Variants in ZNF708 observed in about 807,000 individuals in gnomAD.
The protein encoded by ZNF708 is ZNF15, ZNF15L1.
A neutral mutation model predicts 47.0 loss-of-function variants in ZNF708; 44 were observed. That is an observed-to-expected ratio of 0.94 (90% CI 0.74 to 1.20). The LOEUF (loss-of-function observed/expected upper bound fraction) is 1.20. Ranked by LOEUF, ZNF708 falls within the 50% of genes most tolerant of loss-of-function variation. The probability of loss-of-function intolerance (pLI) is 0.00; values close to 1 mark genes in which losing one functional copy is unlikely to be tolerated. For missense variants in ZNF708, 557 were observed against 656.0 expected (o/e 0.85, Z 1.65); for synonymous variants, 184 against 218.5 (o/e 0.84, Z 1.39).
At chr19:21,311,631 G>C (rs1320626323) in intron 1 of ZNF708, among the ~76,000 whole-genome samples, 1 of 151,988 alleles carries the variant, frequency 6.6e-6, no homozygotes, top group Non-Finnish European at 1.5e-5. Flanking sequence ...GCCTTTAAAG[G>C]TGTCAGCACC....
In ZNF708 at chr19:21,317,809, G is replaced by A. The variant is rs375585443; in HGVS notation, c.4-7182C>T. On this transcript the variant is annotated intron_variant, in intron 1 of 3. Coordinates refer to ENST00000356929, the MANE Select transcript of ZNF708 (RefSeq NM_021269.3). ...GGGATGCCACCTATCTATGCTAATTGGTTATAATCAATGACAAAATAAACT... is the reference window on the plus strand; with the variant it reads ...GGGATGCCACCTATCTATGCTAATTAGTTATAATCAATGACAAAATAAACT... Among the ~76,000 whole-genome samples the A allele has an allele frequency of 7.9e-5, 12 of 152,294 alleles. No individual in the cohort carries two copies. The South Asian group carries it at 2.5e-3, about 32-fold the overall frequency.
chr19:21,309,156 C>A, intron 3 of ZNF708, 90 bp downstream of exon 3: 1 of 1,268,008 alleles, frequency 7.9e-7, no homozygotes. Flanking sequence ...CTTTGGAACA[C>A]AGATTTCCAA....
chr19:21,292,977 T>C lies in ZNF708; in HGVS notation c.*297A>G, dbSNP rs1972426429. On this transcript the variant is annotated 3_prime_UTR_variant, in exon 4 of 4. Coordinates refer to ENST00000356929, the MANE Select transcript of ZNF708 (RefSeq NM_021269.3). ...TAAAGTTCCTCACCAGTATGATTTATTTTATGTTTAGAAAAGTTTGAGGTG... is the reference window on the plus strand; with the variant it reads ...TAAAGTTCCTCACCAGTATGATTTACTTTATGTTTAGAAAAGTTTGAGGTG... 7.3e-6 allele frequency: 2 copies of C among 275,632 alleles called. No individual in the cohort carries two copies. The highest frequency in any genetic ancestry group is 9.6e-5 in the Admixed American group (2 of 20,906). 17.1% of individuals were successfully genotyped at this position (275,632 alleles called of 1,614,324 possible).
chr19:21,307,119 TATAAA>T (rs1321858021), intron 3 of ZNF708, among the ~76,000 whole-genome samples: 2 of 133,668 alleles, frequency 1.5e-5, no homozygotes, highest in South Asian at 4.4e-4. Flanking sequence ...TAAAATAAAA[TATAAA>T]ATAAAAAATA....
At chr19:21,319,450 G>GA (rs1555723286) in intron 1 of ZNF708, among the ~76,000 whole-genome samples, 1 of 148,002 alleles carries the variant, frequency 6.8e-6, no homozygotes, top group African/African-American at 2.5e-5. Context: ...CCTAATATGA[G>GA]TTTTTTTTTT....
intron 3 of ZNF708, among the ~76,000 whole-genome samples, chr19:21,301,458 CA>C (rs1289151641): frequency 1.3e-5 from 2 of 151,054 alleles, no homozygotes; most frequent in Non-Finnish European, 3.0e-5. Context: ...ACTAAAAATA[CA>C]AAAAAAATTA....
In ZNF708 at chr19:21,294,345, C is replaced by T. The variant is rs1972481173; in HGVS notation, c.621G>A (p.Lys207=). ...KCEECGKAFK[K]SSNLTNHKII... ...TCTTATGATTCGTAAGGTTTGAGGA[C>T]TTTTTAAAAGCTTTGCCACATTCTT... The change falls in exon 4 of 4, where the codon AAG becomes AAA. Residue 207 remains lysine (K), a synonymous_variant. Transcript: ENST00000356929. The T allele has an allele frequency of 6.2e-7, 1 of 1,612,956 alleles. No homozygotes were observed. Among genetic ancestry groups the T allele is most frequent in the Non-Finnish European group, 8.5e-7 (1 of 1,179,642 alleles).
intron 1 of ZNF708, among the ~76,000 whole-genome samples, chr19:21,319,222 T>C (rs148808194): frequency 2.0e-5 from 3 of 152,326 alleles, no homozygotes; most frequent in African/African-American, 7.2e-5. Flanking sequence ...ATGCTAATTG[T>C]TCTTAATAAA....
Position 21,293,317 on chromosome 19 carries a change from T to C in ZNF708, c.1649A>G (p.His550Arg), listed in dbSNP as rs754033986. The C allele has an allele frequency of 1.9e-6, 3 of 1,612,448 alleles. No individual in the cohort carries two copies. Among genetic ancestry groups the C allele is most frequent in the South Asian group, 1.1e-5 (1 of 90,948 alleles). The stretch of plus-strand genomic sequence containing the variant: ...TTTCTCTTTGGTATGAATTCTCTTA[T>C]GTTTAGTAAGGTTTGGGGACTGGTT... ...AFNQSPNLTKHKRIHTKEKPY... is the reference protein window; with the variant it reads ...AFNQSPNLTKRKRIHTKEKPY... Residue 550 changes from histidine (H) to arginine (R), a missense_variant, in exon 4 of 4, where the codon CAT (histidine) becomes CGT (arginine). His to Arg is a conservative substitution (Grantham distance 29). Transcript: ENST00000356929.
At chr19:21,302,153 C>T (rs1295509920) in intron 3 of ZNF708, among the ~76,000 whole-genome samples, 1 of 151,700 alleles carries the variant, frequency 6.6e-6, no homozygotes, top group East Asian at 1.9e-4. Context: ...ATGATGCTGG[C>T]CAGCATCATA....
Position 21,294,022 on chromosome 19 carries a change from T to C in ZNF708, c.944A>G (p.Lys315Arg), listed in dbSNP as rs1180689466. ...EKPYKCGECG[K>R]AFTLSSHLTT... is the part of the protein sequence containing the mutation. ...AAGGTGTGAAGATAGGGTAAAGGCT[T>C]TGCCACATTCTCCACATTTGTAGGG... The change falls in exon 4 of 4, where the codon AAA (lysine) becomes AGA (arginine). Residue 315 changes from lysine (K) to arginine (R), a missense_variant. Transcript: ENST00000356929. 1.2e-6 allele frequency: 2 copies of C among 1,613,108 alleles called. No homozygotes were observed. The highest frequency in any genetic ancestry group is 1.7e-6 in the Non-Finnish European group (2 of 1,179,426).
At chr19:21,309,446 C>T in intron 2 of ZNF708, 105 bp from the exon 3 acceptor site, 8 of 1,102,278 alleles carry the variant, frequency 7.3e-6, no homozygotes, top group Non-Finnish European at 9.9e-6. Flanking sequence ...AGTGGCTCAT[C>T]CTGGTAATCC....
chr19:21,318,713 T>C (rs1486370782), intron 1 of ZNF708: 2 of 152,216 alleles, frequency 1.3e-5, no homozygotes, highest in African/African-American at 4.8e-5. Flanking sequence ...TCACCAGCAC[T>C]TTTTAAATTA....
rs1220849852 is a variant in ZNF708 at position 21,293,938 on chromosome 19, T to C, written c.1028A>G (p.Lys343Arg). ...EKPYKCEECG[K>R]AFSVFSTLTK... ...AAGGGTTGAAAATACACTAAAAGCT[T>C]TGCCACATTCTTCACATTTGTAGGG... The change falls in exon 4 of 4, where the codon AAA (lysine) becomes AGA (arginine). Residue 343 changes from lysine (K) to arginine (R), a missense_variant. Physicochemically the swap from Lys to Arg is conservative, Grantham distance 26 (BLOSUM62 2). Transcript: ENST00000356929. 6.2e-7 allele frequency: 1 copy of C among 1,613,412 alleles called. No individual in the cohort carries two copies. Among genetic ancestry groups the C allele is most frequent in the Admixed American group, 1.7e-5 (1 of 59,982 alleles).
At chr19:21,327,330 G>GACC (rs1973280282) in intron 1 of ZNF708, among the ~76,000 whole-genome samples, 1 of 152,058 alleles carries the variant, frequency 6.6e-6, no homozygotes, top group Non-Finnish European at 1.5e-5. Context: ...TGGAGTTTGA[G>GACC]ACCAGCCTGA....
At chr19:21,313,993 T>G (rs1424939609) in intron 1 of ZNF708, among the ~76,000 whole-genome samples, 1 of 152,182 alleles carries the variant, frequency 6.6e-6, no homozygotes, top group African/African-American at 2.4e-5. Flanking sequence ...AATACATATT[T>G]TACTTTTCCC....
rs376599649 is a variant in ZNF708 at position 21,309,051 on chromosome 19, G to A, written c.226+195C>T. Among the ~76,000 whole-genome samples the A allele has an allele frequency of 1.7e-3, 252 of 152,246 alleles. 7 individuals are homozygous for A. The highest frequency in any genetic ancestry group is 0.016 in the South Asian group (79 of 4,826). On this transcript the variant is annotated intron_variant, in intron 3 of 3. Transcript: ENST00000356929. ...CTCACTGTAAACTTGAAGGAAGATC[G>A]CTGAAGGGAAAGTAGAATTTTTAAA...
rs58726773 is a variant in ZNF708, at chr19:21,321,141, AAAAAGAAAAG to A, written c.3+8059_3+8068del. On this transcript the variant is annotated intron_variant, in intron 1 of 3. Transcript: ENST00000356929. ...GGGAGACAGTGAGACTCATCTTAAA[AAAAAGAAAAG>A]AAAAGAAAAGAAAAGAAAAGTAATG... Among the ~76,000 whole-genome samples the A allele has an allele frequency of 3.6e-3, 550 of 151,466 alleles. 3 individuals carry two copies. The highest frequency in any genetic ancestry group is 7.0e-3 in the East Asian group (36 of 5,142).
intron 1 of ZNF708, among the ~76,000 whole-genome samples, chr19:21,325,975 C>G (rs1211091742): frequency 6.6e-6 from 1 of 152,166 alleles, no homozygotes; most frequent in Non-Finnish European, 1.5e-5. Flanking sequence ...CTCAACATCA[C>G]TAATGATCAG....
Sources: gnomAD v4.1 joint callset for allele counts (sites outside exome capture counted in the v4.1 genomes callset) on GRCh38, gnomAD v4.1.1 for gene constraint, MANE v1.5 for transcripts, NCBI Gene and HGNC (gene_info 2026-07-23, HGNC 2026-07-21) for gene names.